Variants in FNIP2 observed in about 807,000 individuals in gnomAD.
The protein encoded by FNIP2 is folliculin interacting protein 2.
In FNIP2, 32 loss-of-function variants were observed where a neutral mutation model predicts 108.7. The observed-to-expected ratio is 0.29, with a 90% CI of 0.22 to 0.40. The LOEUF is 0.40. FNIP2 is among the 10% of genes least tolerant of loss of function. FNIP2 has a pLI of 1.00. For synonymous variants in FNIP2, 480 were observed against 496.7 expected, an observed-to-expected ratio of 0.97 and a Z score of 0.45; for missense variants, 1,202 against 1,381.6, an observed-to-expected ratio of 0.87 and a Z score of 2.06.
chr4:158,877,838 G>A (rs574579084), intron 14 of FNIP2, among the ~76,000 whole-genome samples: 1 of 152,272 alleles, frequency 6.6e-6, no homozygotes, highest in African/African-American at 2.4e-5. Context: ...TACTCAGGAG[G>A]CTGAGGTGGG....
intron 1 of FNIP2, among the ~76,000 whole-genome samples, chr4:158,787,499 C>T (rs1776261906): frequency 6.6e-6 from 1 of 152,174 alleles, no homozygotes; most frequent in Admixed American, 6.5e-5. Context: ...AAAAGGCTCA[C>T]TCACCAGGGC....
chr4:158,822,930 G>T (rs1777963895), intron 1 of FNIP2, among the ~76,000 whole-genome samples: 1 of 152,050 alleles, frequency 6.6e-6, no homozygotes, highest in Admixed American at 6.6e-5. Context: ...TCCTGAATCA[G>T]AACAATTGTC....
chr4:158,806,155 A>G, intron 1 of FNIP2: 1 of 1,233,390 alleles, frequency 8.1e-7, no homozygotes, highest in South Asian at 1.4e-5. Flanking sequence ...TCATTACAGA[A>G]TGTTCCTCAC....
At chr4:158,849,291 G>A (rs1267032437) in intron 7 of FNIP2, among the ~76,000 whole-genome samples, 1 of 152,152 alleles carries the variant, frequency 6.6e-6, no homozygotes, top group Non-Finnish European at 1.5e-5. Flanking sequence ...CTTGCAGGGA[G>A]GAGGGGGAGC....
chr4:158,890,291 A>G (rs1782214648), intron 14 of FNIP2: 1 of 984,590 alleles, frequency 1.0e-6, no homozygotes, highest in African/African-American at 1.7e-5. Context: ...ATAAACCCTG[A>G]TAATAGGGAA....
At chr4:158,848,445 A>C (rs1779524339) in intron 7 of FNIP2, among the ~76,000 whole-genome samples, 1 of 152,206 alleles carries the variant, frequency 6.6e-6, no homozygotes, top group African/African-American at 2.4e-5. Flanking sequence ...GTGACCAAAG[A>C]CTTAGATCAC....
intron 13 of FNIP2, 76 bp from the exon 14 acceptor site, chr4:158,870,237 G>T: frequency 6.8e-7 from 1 of 1,475,136 alleles, no homozygotes; most frequent in Non-Finnish European, 9.3e-7. Flanking sequence ...TATCATTGGA[G>T]TGCTTGTACC....
rs538770161 is a variant in FNIP2 at position 158,835,194 on chromosome 4, G to T, written c.656-211G>T. 56 of 274,554 alleles carry T rather than the reference G, an allele frequency of 2.0e-4. No homozygotes were observed. The South Asian group carries it at 3.1e-3, about 15-fold the overall frequency. The allele number at this position is 274,554 out of a possible 1,614,324, so 17.0% of individuals were successfully genotyped here. A position where few individuals can be genotyped will look rare whatever the true frequency, so the allele number is the denominator to read the frequency against. On this transcript the variant is annotated intron_variant, in intron 6 of 16. Transcript: ENST00000264433. ...TTTGTATGCTTACAATTGAATACAG[G>T]CAGATTTTTATGAGATGGTTACTTG...
At chr4:158,897,002 C>T (rs1039349102) in intron 16 of FNIP2, among the ~76,000 whole-genome samples, 1 of 152,080 alleles carries the variant, frequency 6.6e-6, no homozygotes, top group Admixed American at 6.6e-5. Context: ...CCCAGCCCCC[C>T]ACCCGCCAAA....
intron 1 of FNIP2, among the ~76,000 whole-genome samples, chr4:158,785,919 T>A (rs1490870692): frequency 6.6e-6 from 1 of 152,250 alleles, no homozygotes; most frequent in African/African-American, 2.4e-5. Flanking sequence ...TCCTCCCAGC[T>A]GACGTCTCTC....
intron 7 of FNIP2, chr4:158,836,368 A>T (rs192208330): frequency 5.7e-4 from 87 of 152,256 alleles, no homozygotes; most frequent in African/African-American, 2.1e-3. Flanking sequence ...ATGAAATGTG[A>T]TTTGTTACTG....
chr4:158,882,337 G>C (rs537812337), intron 14 of FNIP2, among the ~76,000 whole-genome samples: 1 of 151,654 alleles, frequency 6.6e-6, no homozygotes, highest in South Asian at 2.1e-4. Context: ...GGGAGGTGAG[G>C]GGCAGCCCCC....
intron 1 of FNIP2, among the ~76,000 whole-genome samples, chr4:158,820,597 A>G (rs142490286): frequency 8.4e-4 from 128 of 152,310 alleles, no homozygotes; most frequent in South Asian, 6.0e-3. Context: ...AGAGCAACAG[A>G]TGCATTCCTT....
At chr4:158,820,247 G>C (rs1777808032) in intron 1 of FNIP2, among the ~76,000 whole-genome samples, 1 of 152,152 alleles carries the variant, frequency 6.6e-6, no homozygotes, top group Non-Finnish European at 1.5e-5. Context: ...GCTTCCTTGT[G>C]TGAGACCAGG....
At chr4:158,823,215 T>C (rs1777979250) in intron 1 of FNIP2, among the ~76,000 whole-genome samples, 1 of 152,204 alleles carries the variant, frequency 6.6e-6, no homozygotes, top group Non-Finnish European at 1.5e-5. Flanking sequence ...TCAACATATG[T>C]ACTATGTTAT....
intron 14 of FNIP2, among the ~76,000 whole-genome samples, chr4:158,875,081 T>C (rs1781187690): frequency 6.7e-6 from 1 of 148,156 alleles, no homozygotes; most frequent in East Asian, 2.0e-4. Flanking sequence ...AGAGCGAGAC[T>C]GTCTCAAAAA....
rs772344189 is a variant in FNIP2, at chr4:158,844,509, C to A, written c.728-6812C>A. On this transcript the variant is annotated intron_variant, in intron 7 of 16. Coordinates refer to ENST00000264433, the MANE Select transcript of FNIP2 (RefSeq NM_020840.3). ...AATTTATGTCTACCACCCCCAAAAA[C>A]CTTTGTGCTAGTTATTTAGAGAAAA... 7.4e-4 allele frequency among the ~76,000 whole-genome samples: 112 copies of A among 152,252 alleles called. 1 individual carries two copies. The highest frequency in any genetic ancestry group is 2.5e-3 in the Admixed American group (39 of 15,300).
intron 1 of FNIP2, among the ~76,000 whole-genome samples, chr4:158,801,711 C>G (rs1212676446): frequency 6.6e-6 from 1 of 152,332 alleles, no homozygotes; most frequent in East Asian, 1.9e-4. Flanking sequence ...TAACTACCTA[C>G]CAGTATTTTC....
chr4:158,889,360 T>C (rs1013279320), intron 14 of FNIP2, among the ~76,000 whole-genome samples: 1 of 152,222 alleles, frequency 6.6e-6, no homozygotes, highest in Non-Finnish European at 1.5e-5. Flanking sequence ...TTGCAGAATC[T>C]TCCATCCATC....
Sources: gnomAD v4.1 joint callset for allele counts (sites outside exome capture counted in the v4.1 genomes callset) on GRCh38, gnomAD v4.1.1 for gene constraint, MANE v1.5 for transcripts, NCBI Gene and HGNC (gene_info 2026-07-23, HGNC 2026-07-21) for gene names.